CCDC80: variants seen among roughly 807,000 people sequenced by gnomAD.
The protein encoded by CCDC80 is coiled-coil domain-containing protein 80.
Under a neutral mutation model 78.7 loss-of-function variants are expected in CCDC80, and 49 were observed. The observed-to-expected ratio is 0.62, with a 90% CI of 0.50 to 0.79. The LOEUF is 0.79. Ranked by LOEUF, CCDC80 falls within the 30% of genes least tolerant of loss-of-function variation. The pLI, the probability that CCDC80 is intolerant of heterozygous loss-of-function variation, is 0.00. For synonymous variants in CCDC80, 488 were observed against 447.0 expected, an observed-to-expected ratio of 1.09 and a Z score of -1.16; for missense variants, 1,205 against 1,198.6, an observed-to-expected ratio of 1.01 and a Z score of -0.08.
chr3:112,625,484 TGTAAGA>T (rs1207138151), intron 3 of CCDC80, among the ~76,000 whole-genome samples: 1 of 152,188 alleles, frequency 6.6e-6, no homozygotes, highest in Non-Finnish European at 1.5e-5. Context: ...GTGATATATG[TGTAAGA>T]ACAAAATATT....
Position 112,599,132 on chromosome 3 carries a change from G to A in CCDC80, c.*6285C>T, listed in dbSNP as rs1935332642. The A allele has an allele frequency of 6.6e-6, 1 of 152,092 alleles. No individual in the cohort carries two copies. 9.4% of individuals were successfully genotyped at this position (152,092 alleles called of 1,614,324 possible). On this transcript the variant is annotated 3_prime_UTR_variant, in exon 8 of 8. Coordinates refer to ENST00000206423, the MANE Select transcript of CCDC80 (RefSeq NM_199511.3). ...CTGTCATTTTGTAATGAGAAACTGAGGCCCATAGGTAAAACATCTCACCTC... is the reference window on the plus strand; with the variant it reads ...CTGTCATTTTGTAATGAGAAACTGAAGCCCATAGGTAAAACATCTCACCTC...
At chr3:112,620,952 A>G (rs934291677) in intron 3 of CCDC80, among the ~76,000 whole-genome samples, 8 of 152,218 alleles carry the variant, frequency 5.3e-5, no homozygotes, top group African/African-American at 1.7e-4. Flanking sequence ...ACTTGGACAG[A>G]GTTCAAGCTC....
intron 5 of CCDC80, among the ~76,000 whole-genome samples, chr3:112,616,447 A>T (rs1309433878): frequency 2.4e-5 from 2 of 84,058 alleles, no homozygotes; most frequent in Non-Finnish European, 4.5e-5. Flanking sequence ...AAAAAAAGAA[A>T]AGAAAAAAAA....
chr3:112,606,157 C>G (rs1282837553), intron 7 of CCDC80, among the ~76,000 whole-genome samples: 2 of 152,168 alleles, frequency 1.3e-5, no homozygotes, highest in Non-Finnish European at 2.9e-5. Flanking sequence ...TTTGACACAT[C>G]TTAATGATAA....
At position 112,638,085 on chromosome 3, in the gene CCDC80, A is replaced by G. The variant is rs1460184321; in HGVS notation, c.1821T>C (p.Ser607=). The G allele has an allele frequency of 1.2e-5, 19 of 1,613,110 alleles. No individual in the cohort carries two copies. In the South Asian group the frequency reaches 2.1e-4, roughly 18 times the overall value. The change falls in exon 2 of 8, where the codon AGT becomes AGC. Residue 607 remains serine, a synonymous_variant. Transcript: ENST00000206423. Reference sequence around the variant, plus strand: ...GCAGGTCGGCCACTGACTTCTTGGGACTCTGCGTGAAGTGTTTGTTGGTGG... The same window carrying G: ...GCAGGTCGGCCACTGACTTCTTGGGGCTCTGCGTGAAGTGTTTGTTGGTGG... The part of the protein sequence containing the change: ...QKPTNKHFTQ[S]PKKSVADLLG...
intron 7 of CCDC80, 102 bp from the exon 8 acceptor site, chr3:112,605,865 T>A: frequency 1.1e-6 from 1 of 930,044 alleles, no homozygotes; most frequent in Non-Finnish European, 1.6e-6. Flanking sequence ...GGAGGACCCA[T>A]GAGCCTCTTC....
Position 112,605,523 on chromosome 3 carries a change from T to A in CCDC80, c.2747A>T (p.Asp916Val), listed in dbSNP as rs1329278792. ...QQSLGMRCPE[D>V]EYAGYGYHSY... ...ATGGTAACCATAGCCTGCATACTCA[T>A]CTTCTGGGCAGCGCATCCCCAGTGA... The change falls in exon 8 of 8, where the codon GAT becomes GTT. Residue 916 changes from aspartate (D) to valine (V), a missense_variant. Physicochemically the swap from Asp to Val is radical, Grantham distance 152. Coordinates refer to ENST00000206423, the MANE Select transcript of CCDC80 (RefSeq NM_199511.3). 11 of 1,614,206 alleles carry A rather than the reference T, an allele frequency of 6.8e-6. No individual in the cohort carries two copies. Among genetic ancestry groups the A allele is most frequent in the Non-Finnish European group, 9.3e-6 (11 of 1,180,026 alleles).
Position 112,638,721 on chromosome 3 carries a change from C to G in CCDC80, c.1185G>C (p.Arg395Ser). 6.2e-7 allele frequency: 1 copy of G among 1,613,636 alleles called. No individual in the cohort carries two copies. The highest frequency in any genetic ancestry group is 8.5e-7 in the Non-Finnish European group (1 of 1,179,926). The change falls in exon 2 of 8, where the codon AGG becomes AGC. Residue 395 changes from arginine (R) to serine (S), a missense_variant. Physicochemically the swap from Arg to Ser is moderately radical, Grantham distance 110. Transcript: ENST00000206423. ...TGATCACCTCAGTGGTTGTAGGGGG[C>G]CTGTGGGAGGGTGAGGGGGTCCAGG... is the stretch of plus-strand genomic sequence containing the variant. ...QRPWTPSPSH[R>S]PPTTTEVITA... is the part of the protein sequence containing the mutation.
intron 2 of CCDC80, among the ~76,000 whole-genome samples, chr3:112,634,960 T>G (rs1241488274): frequency 2.6e-5 from 4 of 152,134 alleles, no homozygotes; most frequent in Non-Finnish European, 4.4e-5. Flanking sequence ...AGGGATTGTT[T>G]TGAGAATTAA....
At position 112,605,341 on chromosome 3, in the gene CCDC80, G is replaced by A. The variant is rs1935458872; in HGVS notation, c.*76C>T. The A allele has an allele frequency of 6.0e-6, 6 of 995,222 alleles. No homozygotes were observed. The highest frequency in any genetic ancestry group is 9.1e-6 in the Non-Finnish European group (6 of 662,246). 61.6% of individuals were successfully genotyped at this position (995,222 alleles called of 1,614,324 possible). A position where few individuals can be genotyped will look rare whatever the true frequency, so the allele number is the denominator to read the frequency against. ...GGCAGGAAATGTAGTACGCAGTGTG[G>A]AAGAATGGAGCTGGCCACATGTAGT... On this transcript the variant is annotated 3_prime_UTR_variant, in exon 8 of 8. Coordinates refer to ENST00000206423, the MANE Select transcript of CCDC80 (RefSeq NM_199511.3).
chr3:112,638,011 A>G lies in CCDC80; in HGVS notation c.1878+17T>C. ...TGCCTCAGCCCATAGAAGAATGCCA[A>G]GGAGAAGGCTACTTACAAGGAGTCT... On this transcript the variant is annotated intron_variant, in intron 2 of 7. Transcript: ENST00000206423. 2.5e-6 allele frequency: 4 copies of G among 1,577,694 alleles called. No individual in the cohort carries two copies. Among genetic ancestry groups the G allele is most frequent in the Non-Finnish European group, 3.4e-6 (4 of 1,168,100 alleles).
chr3:112,635,209 T>G (rs1461062603), intron 2 of CCDC80, among the ~76,000 whole-genome samples: 1 of 152,210 alleles, frequency 6.6e-6, no homozygotes, highest in Non-Finnish European at 1.5e-5. Flanking sequence ...ATGCTATAAA[T>G]AAAGACAAAG....
rs1320048578 is a variant in CCDC80, at chr3:112,638,300, C to G, written c.1606G>C (p.Glu536Gln). The G allele has an allele frequency of 3.1e-6, 5 of 1,613,986 alleles. No individual in the cohort carries two copies. The South Asian group carries it at 5.5e-5, about 18-fold the overall frequency. ...VGNVPLKKAK[E>Q]SKKHEKLEKP... is the part of the protein sequence containing the mutation. ...TCAAGCTTTTCATGCTTTTTAGACT[C>G]CTTTGCTTTTTTAAGGGGAACATTC... Residue 536 changes from glutamate to glutamine, a missense_variant, in exon 2 of 8, where the codon GAG (glutamate) becomes CAG (glutamine). Physicochemically the swap from Glu to Gln is conservative, Grantham distance 29 (BLOSUM62 2). Coordinates refer to ENST00000206423, the MANE Select transcript of CCDC80 (RefSeq NM_199511.3).
Position 112,599,662 on chromosome 3 carries a change from C to G in CCDC80, c.*5755G>C, listed in dbSNP as rs1019459566. ...CTGAGGCCATCATTCACCCTACTCT[C>G]GGGCTGCTTCCATCCTCCAGGCTTC... On this transcript the variant is annotated 3_prime_UTR_variant, in exon 8 of 8. Transcript: ENST00000206423. 6.6e-6 allele frequency: 1 copy of G among 152,274 alleles called. No homozygotes were observed. Among genetic ancestry groups the G allele is most frequent in the Non-Finnish European group, 1.5e-5 (1 of 68,102 alleles). 9.4% of individuals were successfully genotyped at this position (152,274 alleles called of 1,614,324 possible).
Position 112,600,550 on chromosome 3 carries a change from G to A in CCDC80, c.*4867C>T, listed in dbSNP as rs1327605664. 1 of 150,510 alleles carries A rather than the reference G, an allele frequency of 6.6e-6. No homozygotes were observed. The highest frequency in any genetic ancestry group is 2.5e-5 in the African/African-American group (1 of 40,318). 9.3% of individuals were successfully genotyped at this position (150,510 alleles called of 1,614,324 possible). ...CTTTGTCACCCAGGATGATGATGAT[G>A]GAGTGCTGTGGCACGATCACGGCAC... On this transcript the variant is annotated 3_prime_UTR_variant, in exon 8 of 8. Transcript: ENST00000206423.
intron 2 of CCDC80, among the ~76,000 whole-genome samples, chr3:112,634,630 C>T (rs1936168921): frequency 6.6e-6 from 1 of 152,210 alleles, no homozygotes; most frequent in African/African-American, 2.4e-5. Flanking sequence ...TTGTGCTTAG[C>T]AATCATTTAC....
intron 2 of CCDC80, among the ~76,000 whole-genome samples, chr3:112,632,142 C>T (rs924251133): frequency 6.6e-6 from 1 of 151,970 alleles, no homozygotes; most frequent in Non-Finnish European, 1.5e-5. Context: ...TTTTAATTAG[C>T]TTTATGGCAT....
At chr3:112,620,889 T>C (rs1219361337) in intron 3 of CCDC80, among the ~76,000 whole-genome samples, 1 of 152,216 alleles carries the variant, frequency 6.6e-6, no homozygotes, top group Non-Finnish European at 1.5e-5. Flanking sequence ...GAAATATTTA[T>C]CACTAATGTC....
At chr3:112,610,384 A>C (rs1337941219) in intron 5 of CCDC80, 1 of 394,424 alleles carries the variant, frequency 2.5e-6, no homozygotes, top group Non-Finnish European at 4.8e-6. Flanking sequence ...AGATGCAATG[A>C]AGACAGGCCA....
Sources: allele counts gnomAD v4.1 joint callset (sites outside exome capture counted in the v4.1 genomes callset), GRCh38; gene constraint gnomAD v4.1.1; transcripts MANE v1.5; gene names NCBI Gene and HGNC (gene_info 2026-07-23, HGNC 2026-07-21).